The following PRKG1 variants were observed in gnomAD, a reference collection of about 807,000 sequenced individuals.
The protein encoded by PRKG1 is cGMP-dependent protein kinase 1.
Under a neutral mutation model 88.1 loss-of-function variants are expected in PRKG1, and 35 were observed. The ratio of observed to expected loss-of-function variants is 0.40; its 90% confidence interval spans 0.30 to 0.53. The LOEUF is 0.53. PRKG1 is among the 20% of genes least tolerant of loss of function. The pLI is 0.59. For missense variants in PRKG1, 540 were observed against 839.8 expected, an observed-to-expected ratio of 0.64 and a Z score of 4.41; for synonymous variants, 303 against 292.5, an observed-to-expected ratio of 1.04 and a Z score of -0.37.
At chr10:51,777,933 CATG>C (rs1377757875) in intron 3 of PRKG1, among the ~76,000 whole-genome samples, 2 of 152,090 alleles carry the variant, frequency 1.3e-5, no homozygotes, top group Admixed American at 1.3e-4. Context: ...CTTTTCATGG[CATG>C]ATAGCTCATT....
chr10:51,402,690 C>G (rs1555878), intron 2 of PRKG1, among the ~76,000 whole-genome samples: 117,697 of 152,138 alleles, frequency 0.77, 45,943 homozygotes, highest in African/African-American at 0.81. Flanking sequence ...CAGTGTCCCA[C>G]TGGCTGGAAA....
intron 6 of PRKG1, 67 bp downstream of exon 6, chr10:52,054,628 G>A: frequency 7.7e-7 from 1 of 1,294,110 alleles, no homozygotes; most frequent in Non-Finnish European, 1.1e-6. Context: ...AACTCCAGTA[G>A]GAACACATGC....
intron 3 of PRKG1, among the ~76,000 whole-genome samples, chr10:51,508,082 G>A (rs984466896): frequency 6.6e-6 from 1 of 152,110 alleles, no homozygotes; most frequent in Admixed American, 6.6e-5. Context: ...TTTACTGTGT[G>A]ACTTTATGTT....
At position 51,043,721 on chromosome 10, in the gene PRKG1, T is replaced by TTA. The variant is rs372210589; in HGVS notation, c.266+52077_266+52078insTA. ...TGTTTGCTTTTTTTTCTCACTGTTT[T>TTA]ATCCCATAGCACAGTACATGGAATG... On this transcript the variant is annotated intron_variant, in intron 1 of 17. Coordinates refer to the PRKG1 transcript ENST00000401604. 2.7e-3 allele frequency among the ~76,000 whole-genome samples: 412 copies of TTA among 152,314 alleles called. 1 individual carries two copies. The highest frequency in any genetic ancestry group is 9.3e-3 in the African/African-American group (385 of 41,588).
intron 2 of PRKG1, among the ~76,000 whole-genome samples, chr10:51,392,398 T>C (rs1366302608): frequency 6.6e-6 from 1 of 152,098 alleles, no homozygotes; most frequent in Non-Finnish European, 1.5e-5. Flanking sequence ...CCTTAATCCA[T>C]TTAACCCTGA....
chr10:51,685,971 T>A (rs1412379988), intron 3 of PRKG1, among the ~76,000 whole-genome samples: 1 of 151,158 alleles, frequency 6.6e-6, no homozygotes, highest in Non-Finnish European at 1.5e-5. Context: ...AGTTTCACAA[T>A]CCTGCTTGGC....
rs187588595 is a variant in PRKG1, at chr10:51,734,072, A to T, written c.593-70513A>T. On this transcript the variant is annotated intron_variant, in intron 3 of 17. Coordinates refer to ENST00000373980, the MANE Select transcript of PRKG1 (RefSeq NM_006258.4). ...TTAAAAAAAGTATTTTAGCTTTTTTAAAAAAAAATTATTATTTTTTTTGCT... is the reference window on the plus strand; with the variant it reads ...TTAAAAAAAGTATTTTAGCTTTTTTTAAAAAAAATTATTATTTTTTTTGCT... Among the ~76,000 whole-genome samples, 416 of 147,918 alleles carry T rather than the reference A, an allele frequency of 2.8e-3. 2 individuals carry two copies. The highest frequency in any genetic ancestry group is 9.1e-3 in the African/African-American group (375 of 41,174).
intron 9 of PRKG1, among the ~76,000 whole-genome samples, chr10:52,199,115 T>A (rs1839589702): frequency 6.6e-6 from 1 of 152,106 alleles, no homozygotes; most frequent in South Asian, 2.1e-4. Flanking sequence ...CCGATTCTGT[T>A]TCAATGTAAG....
chr10:52,136,903 G>A (rs1837439284), intron 8 of PRKG1, among the ~76,000 whole-genome samples: 1 of 152,014 alleles, frequency 6.6e-6, no homozygotes, highest in Admixed American at 6.6e-5. Flanking sequence ...ATCAGCTTGA[G>A]TCTAAGAATT....
At chr10:51,198,637 T>G (rs1328943785) in intron 2 of PRKG1, among the ~76,000 whole-genome samples, 2 of 152,338 alleles carry the variant, frequency 1.3e-5, no homozygotes, top group East Asian at 3.9e-4. Context: ...TAACATACAC[T>G]CAGCTCAAAA....
At chr10:51,007,056 C>T (rs572545969) in intron 1 of PRKG1, among the ~76,000 whole-genome samples, 6 of 151,656 alleles carry the variant, frequency 4.0e-5, no homozygotes, top group African/African-American at 7.3e-5. Flanking sequence ...CTCCTGCCTC[C>T]GCCTCTGGAG....
chr10:52,226,935 G>T (rs995387227), intron 9 of PRKG1, among the ~76,000 whole-genome samples: 1 of 152,096 alleles, frequency 6.6e-6, no homozygotes, highest in African/African-American at 2.4e-5. Flanking sequence ...CAATATTACA[G>T]TGAAATAGGC....
At chr10:52,123,959 T>C (rs1484327344) in intron 7 of PRKG1, among the ~76,000 whole-genome samples, 1 of 152,228 alleles carries the variant, frequency 6.6e-6, no homozygotes, top group Non-Finnish European at 1.5e-5. Flanking sequence ...ATTCCAACTT[T>C]GCTTATGTTA....
intron 2 of PRKG1, among the ~76,000 whole-genome samples, chr10:51,215,800 C>G (rs574811625): frequency 6.6e-6 from 1 of 152,218 alleles, no homozygotes; most frequent in East Asian, 1.9e-4. Flanking sequence ...CTGGAAATTC[C>G]TCTATATACA....
At chr10:51,530,805 T>TGATGG (rs1011777764) in intron 3 of PRKG1, among the ~76,000 whole-genome samples, 2 of 152,202 alleles carry the variant, frequency 1.3e-5, no homozygotes, top group African/African-American at 4.8e-5. Context: ...TCCTTTTGTC[T>TGATGG]GATGGGAAAC....
At chr10:51,297,154 C>T (rs954303364) in intron 2 of PRKG1, among the ~76,000 whole-genome samples, 3 of 151,914 alleles carry the variant, frequency 2.0e-5, no homozygotes, top group Admixed American at 6.6e-5. Flanking sequence ...TTCTGTTCTG[C>T]GAGCTGTAAG....
intron 5 of PRKG1, among the ~76,000 whole-genome samples, chr10:51,936,378 C>A (rs1842800754): frequency 6.6e-6 from 1 of 152,058 alleles, no homozygotes; most frequent in Non-Finnish European, 1.5e-5. Flanking sequence ...TAATGCATAA[C>A]TAAACCACAA....
rs146762719 is a variant in PRKG1 at position 51,213,209 on chromosome 10, C to T, written c.478+59879C>T. Among the ~76,000 whole-genome samples the T allele has an allele frequency of 7.3e-3, 1,108 of 151,978 alleles. 8 individuals are homozygous for T. Among genetic ancestry groups the T allele is most frequent in the Middle Eastern group, 0.024 (7 of 294 alleles). On this transcript the variant is annotated intron_variant, in intron 2 of 17. Coordinates refer to ENST00000373980, the MANE Select transcript of PRKG1 (RefSeq NM_006258.4). ...AAACCATCATTCTCTAGCAAGCTAT[C>T]GCAAGGACAAAAAACCAAACACCGC...
At position 51,825,853 on chromosome 10, in the gene PRKG1, G is replaced by A. The variant is rs149674528; in HGVS notation, c.698+21163G>A. Among the ~76,000 whole-genome samples the A allele has an allele frequency of 3.9e-4, 59 of 152,208 alleles. No individual in the cohort carries two copies. The South Asian group carries it at 6.4e-3, about 17-fold the overall frequency. On this transcript the variant is annotated intron_variant, in intron 4 of 17. Coordinates refer to ENST00000373980, the MANE Select transcript of PRKG1 (RefSeq NM_006258.4). ...GGGTCAGTCATCAAGGCTCAAAACC[G>A]TCTCATCCCTAAAATCTCCAGATTG...
Sources: gnomAD v4.1 joint callset for allele counts (sites outside exome capture counted in the v4.1 genomes callset) on GRCh38, gnomAD v4.1.1 for gene constraint, MANE v1.5 for transcripts, NCBI Gene and HGNC (gene_info 2026-07-23, HGNC 2026-07-21) for gene names.